The following PRKCD variants were observed in gnomAD, a reference collection of about 807,000 sequenced individuals.
The protein encoded by PRKCD is protein kinase C delta type.
PRKCD carries 20 observed loss-of-function variants against 82.2 expected under a neutral mutation model. The ratio of observed to expected loss-of-function variants is 0.24; its 90% CI spans 0.17 to 0.35. The LOEUF is 0.35. Among genes scored for constraint, PRKCD ranks in the 10% least tolerant of loss-of-function variants. The probability of loss-of-function intolerance (pLI) is 1.00; values close to 1 mark genes in which losing one functional copy is unlikely to be tolerated. For missense variants in PRKCD, 607 were observed against 899.0 expected (o/e 0.68, Z 4.15); for synonymous variants, 317 against 337.0 (o/e 0.94, Z 0.65).
intron 2 of PRKCD, among the ~76,000 whole-genome samples, chr3:53,175,533 G>A (rs1703186447): frequency 6.6e-6 from 1 of 152,138 alleles, no homozygotes; most frequent in South Asian, 2.1e-4. Context: ...CACAGCCAAG[G>A]CAACGTTGGT....
At chr3:53,182,472 T>C (rs185902779) in intron 7 of PRKCD, among the ~76,000 whole-genome samples, 109 of 152,316 alleles carry the variant, frequency 7.2e-4, no homozygotes, top group Non-Finnish European at 1.2e-3. Context: ...CTTTGTCATG[T>C]TGGCCAGGCT....
Position 53,165,876 on chromosome 3 carries a change from C to T in PRKCD, c.-20+661C>T, listed in dbSNP as rs540385793. ...AAGCTAGAAATTCCTTGTTTTGGGG[C>T]GAGCCTTGCCTCCTTCAGCCCTATT... On this transcript the variant is annotated intron_variant, in intron 2 of 18. Coordinates refer to ENST00000330452, the MANE Select transcript of PRKCD (RefSeq NM_006254.4). Among the ~76,000 whole-genome samples the T allele has an allele frequency of 3.8e-4, 58 of 152,276 alleles. 1 individual carries two copies. Among genetic ancestry groups the T allele is most frequent in the African/African-American group, 1.2e-3 (51 of 41,538 alleles).
At position 53,181,529 on chromosome 3, in the gene PRKCD, C is replaced by G; in HGVS notation, c.462C>G (p.His154Gln). ...RRGAIKQAKI[H>Q]YIKNHEFIAT... Reference sequence around the variant, plus strand: ...GAGCCATCAAACAGGCCAAAATCCACTACATCAAGAACCATGAGTTTATCG... The same window carrying G: ...GAGCCATCAAACAGGCCAAAATCCAGTACATCAAGAACCATGAGTTTATCG... Residue 154 changes from histidine (H) to glutamine (Q), a missense_variant, in exon 6 of 19, where the codon CAC becomes CAG. Physicochemically the swap from His to Gln is conservative, Grantham distance 24. Transcript: ENST00000330452. 6.2e-7 allele frequency: 1 copy of G among 1,614,280 alleles called. No homozygotes were observed.
chr3:53,165,624 T>A (rs1553663737), intron 2 of PRKCD, among the ~76,000 whole-genome samples: 14 of 152,172 alleles, frequency 9.2e-5, no homozygotes, highest in Non-Finnish European at 7.4e-5. Context: ...ACACTGAAAT[T>A]CCCCGTGGGC....
chr3:53,191,426 AAAAT>A (rs1354919357), intron 18 of PRKCD, among the ~76,000 whole-genome samples: 2 of 149,128 alleles, frequency 1.3e-5, no homozygotes, highest in African/African-American at 5.2e-5. Context: ...TAAATAAATA[AAAAT>A]AAATAAATAA....
At position 53,178,482 on chromosome 3, in the gene PRKCD, G is replaced by C. The variant is rs1703298801; in HGVS notation, c.60G>C (p.Glu20Asp). 6 of 1,613,204 alleles carry C rather than the reference G, an allele frequency of 3.7e-6. No homozygotes were observed. The highest frequency in any genetic ancestry group is 3.3e-5 in the South Asian group (3 of 91,048). The part of the protein sequence containing the change: ...NSYELGSLQA[E>D]DEANQPFCAV... ...ATGAGCTGGGCTCCCTGCAGGCCGA[G>C]GACGAGGCGAACCAGCCCTTCTGTG... Residue 20 changes from glutamate (E) to aspartate (D), a missense_variant, in exon 3 of 19, where the codon GAG becomes GAC. Physicochemically the swap from Glu to Asp is conservative, Grantham distance 45. Transcript: ENST00000330452.
At chr3:53,164,463 A>C (rs1284335807) in intron 1 of PRKCD, among the ~76,000 whole-genome samples, 2 of 152,112 alleles carry the variant, frequency 1.3e-5, no homozygotes, top group African/African-American at 2.4e-5. Context: ...CGCACCTGTA[A>C]TCTCAGCTGC....
chr3:53,162,235 C>G (rs1173521746), intron 1 of PRKCD, among the ~76,000 whole-genome samples: 1 of 151,696 alleles, frequency 6.6e-6, no homozygotes, highest in Non-Finnish European at 1.5e-5. Context: ...ATGCCACTCC[C>G]GTTGTGGGGG....
chr3:53,191,828 T>C (rs1386386379), intron 18 of PRKCD, among the ~76,000 whole-genome samples: 1 of 152,236 alleles, frequency 6.6e-6, no homozygotes, highest in Non-Finnish European at 1.5e-5. Context: ...AAACAGGTGG[T>C]AAGTGAGCCT....
At chr3:53,182,161 C>T (rs539429186) in intron 7 of PRKCD, among the ~76,000 whole-genome samples, 306 of 152,270 alleles carry the variant, frequency 2.0e-3, no homozygotes, top group African/African-American at 6.2e-3. Flanking sequence ...CACGAGGCGC[C>T]GCAGGCTGGA....
At chr3:53,180,807 G>T (rs1278661584) in intron 4 of PRKCD, among the ~76,000 whole-genome samples, 1 of 152,156 alleles carries the variant, frequency 6.6e-6, no homozygotes, top group Non-Finnish European at 1.5e-5. Flanking sequence ...GAGGAGCAGC[G>T]TGTGTGCACG....
chr3:53,182,744 G>T (rs1476140641), intron 7 of PRKCD, among the ~76,000 whole-genome samples: 1 of 152,136 alleles, frequency 6.6e-6, no homozygotes, highest in Non-Finnish European at 1.5e-5. Flanking sequence ...CTGTTTTGAG[G>T]CGTGTCCATG....
chr3:53,177,744 G>A (rs1276903562), intron 2 of PRKCD, among the ~76,000 whole-genome samples: 3 of 151,874 alleles, frequency 2.0e-5, no homozygotes, highest in Non-Finnish European at 4.4e-5. Flanking sequence ...AATATCTAGG[G>A]GTGACAGATG....
Position 53,185,663 on chromosome 3 carries a change from C to A in PRKCD, c.948C>A (p.Phe316Leu), listed in dbSNP as rs138049008. The A allele has an allele frequency of 1.2e-6, 2 of 1,612,814 alleles. No homozygotes were observed. ...SSEPVGIYQG[F>L]EKKTGVAGED... ...AGCCTGTTGGGATATATCAGGGTTT[C>A]GAGAAGAAGACCGGAGTTGCTGGGG... Residue 316 changes from phenylalanine to leucine, a missense_variant, in exon 11 of 19, where the codon TTC becomes TTA. Phe to Leu is a conservative substitution (Grantham distance 22). This residue lies in a region of PRKCD where 85 missense variants were observed against 76.1 expected (regional missense o/e 1.12). Coordinates refer to ENST00000330452, the MANE Select transcript of PRKCD (RefSeq NM_006254.4).
At chr3:53,189,367 C>G in intron 17 of PRKCD, 121 bp downstream of exon 17, 1 of 1,057,502 alleles carries the variant, frequency 9.5e-7, no homozygotes, top group Non-Finnish European at 1.3e-6. Flanking sequence ...GTGCTGCAGT[C>G]CTAACATACG....
intron 1 of PRKCD, among the ~76,000 whole-genome samples, chr3:53,163,203 C>T (rs370582156): frequency 6.6e-6 from 1 of 151,606 alleles, no homozygotes; most frequent in Non-Finnish European, 1.5e-5. Context: ...TGTGTGGCCA[C>T]GGTAGGAGTG....
intron 2 of PRKCD, among the ~76,000 whole-genome samples, chr3:53,175,352 A>C (rs1703179616): frequency 6.6e-6 from 1 of 152,070 alleles, no homozygotes; most frequent in South Asian, 2.1e-4. Context: ...TGCCGCAGTG[A>C]GGGGGGTGAT....
Position 53,192,140 on chromosome 3 carries a change from GGAGTTCCTGAAC to G in PRKCD, c.1909_1920del (p.Phe637_Glu640del). On this transcript the variant is annotated inframe_deletion, in exon 19 of 19. Transcript: ENST00000330452. Reference sequence around the variant, plus strand: ...CCAGAGACTACAGTAACTTTGACCAGGAGTTCCTGAACGAGAAGGCGCGCCTCTCCTACAGCG... The same window carrying G: ...CCAGAGACTACAGTAACTTTGACCAGGAGAAGGCGCGCCTCTCCTACAGCG... 6.2e-7 allele frequency: 1 copy of G among 1,614,102 alleles called. No homozygotes were observed. Among genetic ancestry groups the G allele is most frequent in the Non-Finnish European group, 8.5e-7 (1 of 1,180,020 alleles).
At position 53,188,682 on chromosome 3, in the gene PRKCD, ATGTCCCCTGCTGACTCTTACC is replaced by A; in HGVS notation, c.1416-28_1416-8del. 1 of 1,611,114 alleles carries A rather than the reference ATGTCCCCTGCTGACTCTTACC, an allele frequency of 6.2e-7. No homozygotes were observed. Among genetic ancestry groups the A allele is most frequent in the South Asian group, 1.1e-5 (1 of 90,946 alleles). On this transcript the variant is annotated splice_polypyrimidine_tract_variant and intron_variant, in intron 15 of 18. Coordinates refer to ENST00000330452, the MANE Select transcript of PRKCD (RefSeq NM_006254.4). Reference sequence around the variant, plus strand: ...GGGGGCAGGGTTGGAAGGAGAAGAAATGTCCCCTGCTGACTCTTACCTGTCCCCTGTCCTTAGGGACCTCAA... The same window carrying A: ...GGGGGCAGGGTTGGAAGGAGAAGAAATGTCCCCTGTCCTTAGGGACCTCAA...
Sources: gnomAD v4.1 joint callset for allele counts (sites outside exome capture counted in the v4.1 genomes callset) on GRCh38, gnomAD v4.1.1 for gene constraint, gnomAD v4.1.1 regional missense constraint, MANE v1.5 for transcripts, NCBI Gene and HGNC (gene_info 2026-07-23, HGNC 2026-07-21) for gene names.